Variants in SLC24A2 observed in about 807,000 individuals in gnomAD.
SLC24A2 encodes sodium/potassium/calcium exchanger 2.
SLC24A2 carries 36 observed loss-of-function variants against 62.0 expected under a neutral mutation model. The observed-to-expected ratio is 0.58, with a 90% confidence interval of 0.44 to 0.77. The LOEUF (loss-of-function observed/expected upper bound fraction) is 0.77. SLC24A2 is among the 30% of genes least tolerant of loss of function. The probability of loss-of-function intolerance (pLI) is 0.00; values close to 1 mark genes in which losing one functional copy is unlikely to be tolerated. For missense variants in SLC24A2, 846 were observed against 817.9 expected, an observed-to-expected ratio of 1.03 and a Z score of -0.42; for synonymous variants, 358 against 294.0, an observed-to-expected ratio of 1.22 and a Z score of -2.23.
chr9:20,271,920 G>T, the SLC24A2 span, among the ~76,000 whole-genome samples: 3 of 152,146 alleles, frequency 2.0e-5, no homozygotes, highest in Non-Finnish European at 4.4e-5. Flanking sequence ...CCACCTAATG[G>T]CCAAAGCAAA....
At chr9:19,710,978 C>A (rs988312528) in intron 2 of SLC24A2, among the ~76,000 whole-genome samples, 2 of 152,196 alleles carry the variant, frequency 1.3e-5, no homozygotes, top group East Asian at 3.8e-4. Context: ...TGCCTATTTT[C>A]TTTTCTTCTC....
chr9:20,188,235 G>T, the SLC24A2 span, among the ~76,000 whole-genome samples: 2 of 152,212 alleles, frequency 1.3e-5, no homozygotes, highest in Non-Finnish European at 2.9e-5. Flanking sequence ...ATCCAGTGCT[G>T]CTGGACAGTG....
At chr9:19,677,796 T>C (rs1478249459) in intron 2 of SLC24A2, among the ~76,000 whole-genome samples, 2 of 149,838 alleles carry the variant, frequency 1.3e-5, no homozygotes, top group Admixed American at 6.7e-5. Context: ...TTATATATTA[T>C]AGATTTGTAT....
intron 7 of SLC24A2, among the ~76,000 whole-genome samples, chr9:19,567,814 C>A (rs1466400366): frequency 6.6e-6 from 1 of 151,920 alleles, no homozygotes; most frequent in East Asian, 1.9e-4. Flanking sequence ...GATCGCTCAG[C>A]CATTTAAAAA....
At chr9:19,738,348 G>A (rs183777934) in intron 2 of SLC24A2, among the ~76,000 whole-genome samples, 1 of 152,240 alleles carries the variant, frequency 6.6e-6, no homozygotes, top group African/African-American at 2.4e-5. Context: ...TTTCTGGAGT[G>A]GGGGCTGGAT....
At chr9:19,578,067 T>G (rs1210210633) in intron 5 of SLC24A2, among the ~76,000 whole-genome samples, 1 of 148,606 alleles carries the variant, frequency 6.7e-6, no homozygotes, top group Non-Finnish European at 1.5e-5. Flanking sequence ...AATAATACAA[T>G]AGACTTTGGG....
intron 2 of SLC24A2, among the ~76,000 whole-genome samples, chr9:19,706,894 A>G (rs960944791): frequency 6.6e-6 from 1 of 152,062 alleles, no homozygotes; most frequent in Admixed American, 6.5e-5. Flanking sequence ...AAGGCAAGAA[A>G]TAACTAAAAT....
chr9:19,708,349 C>G (rs1265037346), intron 2 of SLC24A2, among the ~76,000 whole-genome samples: 2 of 152,034 alleles, frequency 1.3e-5, no homozygotes, highest in Non-Finnish European at 2.9e-5. Context: ...TTTATAGATT[C>G]AATGCCATCC....
chr9:19,838,058 GA>G, the SLC24A2 span, among the ~76,000 whole-genome samples: 3 of 150,920 alleles, frequency 2.0e-5, no homozygotes, highest in Non-Finnish European at 4.4e-5. Context: ...CACAGAATTG[GA>G]AAAAACTACT....
chr9:19,791,584 A>T (rs1443031267), upstream of SLC24A2, among the ~76,000 whole-genome samples: 1 of 152,226 alleles, frequency 6.6e-6, no homozygotes. Context: ...AACAGTTGAG[A>T]AGGCTACAAC....
the SLC24A2 span, among the ~76,000 whole-genome samples, chr9:20,059,497 A>C: frequency 2.0e-3 from 306 of 152,314 alleles, 1 homozygote; most frequent in Non-Finnish European, 3.5e-3. Context: ...CAATAACATA[A>C]GGAAAACTGG....
chr9:19,861,193 G>A, the SLC24A2 span, among the ~76,000 whole-genome samples: 74 of 152,268 alleles, frequency 4.9e-4, no homozygotes, highest in African/African-American at 1.5e-3. Flanking sequence ...TGGCTACAGG[G>A]GGTGCTTGTG....
intron 10 of SLC24A2, among the ~76,000 whole-genome samples, 165 bp from the exon 11 acceptor site, chr9:19,516,567 C>T (rs531530207): frequency 6.6e-6 from 1 of 152,168 alleles, no homozygotes; most frequent in African/African-American, 2.4e-5. Flanking sequence ...CCCAGGAAAC[C>T]ACTTTATAAG....
At chr9:20,089,993 G>T in the SLC24A2 span, among the ~76,000 whole-genome samples, 1 of 152,034 alleles carries the variant, frequency 6.6e-6, no homozygotes, top group African/African-American at 2.4e-5. Flanking sequence ...GGAACAAAAA[G>T]CCCCTCTGCC....
At chr9:19,567,269 G>C (rs1248273067) in intron 7 of SLC24A2, among the ~76,000 whole-genome samples, 1 of 151,486 alleles carries the variant, frequency 6.6e-6, no homozygotes, top group Non-Finnish European at 1.5e-5. Flanking sequence ...AATATGGGCC[G>C]GGCACGGTGG....
the SLC24A2 span, among the ~76,000 whole-genome samples, chr9:20,076,806 C>T: frequency 1.0e-4 from 15 of 149,420 alleles, no homozygotes; most frequent in Non-Finnish European, 1.8e-4. Context: ...CTGCAATGCA[C>T]ATGGGGACAC....
chr9:19,544,315 C>T (rs1834437025), intron 8 of SLC24A2, among the ~76,000 whole-genome samples: 1 of 137,040 alleles, frequency 7.3e-6, no homozygotes, highest in African/African-American at 2.7e-5. Flanking sequence ...TATTTTAAGC[C>T]TATGTTTGTC....
the SLC24A2 span, among the ~76,000 whole-genome samples, chr9:20,296,746 G>C: frequency 1.8e-3 from 279 of 152,278 alleles, no homozygotes; most frequent in African/African-American, 6.4e-3. Flanking sequence ...CAGTTATAAA[G>C]CTGGGTGTAC....
At chr9:20,010,794 G>A in the SLC24A2 span, among the ~76,000 whole-genome samples, 1 of 132,516 alleles carries the variant, frequency 7.5e-6, no homozygotes, top group East Asian at 2.2e-4. Flanking sequence ...GGTGTGTGAT[G>A]TTCCCCTTCC....
Sources: allele counts gnomAD v4.1 joint callset (sites outside exome capture counted in the v4.1 genomes callset), GRCh38; gene constraint gnomAD v4.1.1; transcripts MANE v1.5; gene names NCBI Gene and HGNC (gene_info 2026-07-23, HGNC 2026-07-21).